NTM: variants seen among roughly 807,000 people sequenced by gnomAD.
NTM encodes IgLON family member 2.
A neutral mutation model predicts 42.1 loss-of-function variants in NTM; 13 were observed. That is an observed-to-expected ratio of 0.31 (90% CI 0.20 to 0.49). The LOEUF (loss-of-function observed/expected upper bound fraction) is 0.49, where lower values mean the gene tolerates loss of function less well. Among genes scored for constraint, NTM ranks in the 20% least tolerant of loss-of-function variants. The pLI, the probability that NTM is intolerant of heterozygous loss-of-function variation, is 0.99. For missense variants in NTM, 373 were observed against 452.8 expected (o/e 0.82, Z 1.60); for synonymous variants, 187 against 179.2 (o/e 1.04, Z -0.35).
At chr11:131,639,013 A>G (rs149593229) in intron 1 of NTM, among the ~76,000 whole-genome samples, 3 of 152,300 alleles carry the variant, frequency 2.0e-5, no homozygotes, top group Non-Finnish European at 4.4e-5. Flanking sequence ...CTACTATTAT[A>G]CTCATTTGAT....
intron 2 of NTM, among the ~76,000 whole-genome samples, chr11:132,063,806 T>C (rs2081043138): frequency 6.6e-6 from 1 of 152,180 alleles, no homozygotes; most frequent in Non-Finnish European, 1.5e-5. Context: ...TGTGAGTCTG[T>C]CTCCACTTCA....
chr11:132,000,539 A>G (rs889790366), intron 2 of NTM, among the ~76,000 whole-genome samples: 10 of 152,228 alleles, frequency 6.6e-5, no homozygotes, highest in African/African-American at 2.4e-4. Context: ...GTGTACAAGT[A>G]CATTTTTCAT....
intron 1 of NTM, among the ~76,000 whole-genome samples, chr11:131,390,335 C>A (rs1943845414): frequency 6.6e-6 from 1 of 152,110 alleles, no homozygotes; most frequent in Non-Finnish European, 1.5e-5. Flanking sequence ...CGAACACCTC[C>A]CACCAGGCCT....
intron 3 of NTM, chr11:132,211,803 C>T (rs1592251177): frequency 5.6e-6 from 2 of 360,084 alleles, no homozygotes; most frequent in East Asian, 1.3e-4. Context: ...GAATTTATTC[C>T]CATTCGGACT....
At chr11:132,150,489 G>T (rs1211405617) in intron 3 of NTM, among the ~76,000 whole-genome samples, 2 of 152,200 alleles carry the variant, frequency 1.3e-5, no homozygotes, top group Non-Finnish European at 2.9e-5. Context: ...AGGTGTTAAA[G>T]CTAGAATGGC....
chr11:131,678,720 C>T (rs937036221), intron 1 of NTM, among the ~76,000 whole-genome samples: 2 of 152,294 alleles, frequency 1.3e-5, no homozygotes, highest in Admixed American at 1.3e-4. Flanking sequence ...GTTTCTTTTC[C>T]ACCTTGGGGA....
At position 131,416,712 on chromosome 11, in the gene NTM, T is replaced by C. The variant is rs537369684; in HGVS notation, c.82+45824T>C. On this transcript the variant is annotated intron_variant, in intron 1 of 8. Coordinates refer to ENST00000683400, the MANE Select transcript of NTM (RefSeq NM_001352005.2). ...TTACCATAAGATTTTCCAAACAAAC[T>C]TGAACTTTTAAAATAACTTGATTTA... Among the ~76,000 whole-genome samples the C allele has an allele frequency of 2.0e-5, 3 of 152,294 alleles. No homozygotes were observed. The South Asian group carries it at 6.2e-4, about 32-fold the overall frequency.
chr11:131,439,674 A>T (rs1949445317), intron 1 of NTM, among the ~76,000 whole-genome samples: 1 of 152,206 alleles, frequency 6.6e-6, no homozygotes, highest in Admixed American at 6.5e-5. Context: ...AAAGTGCAGT[A>T]TTTGGGAGGG....
chr11:131,508,287 C>T (rs1440206255), intron 1 of NTM, among the ~76,000 whole-genome samples: 2 of 145,328 alleles, frequency 1.4e-5, no homozygotes, highest in African/African-American at 2.6e-5. Context: ...TGAAAAAATG[C>T]TCATCATCAC....
At chr11:131,613,784 C>T (rs901448021) in intron 1 of NTM, among the ~76,000 whole-genome samples, 1 of 152,050 alleles carries the variant, frequency 6.6e-6, no homozygotes, top group African/African-American at 2.4e-5. Context: ...GCCACACAGC[C>T]CGTAAGATCT....
intron 8 of NTM, among the ~76,000 whole-genome samples, chr11:132,334,435 C>T (rs991782410): frequency 6.6e-6 from 1 of 152,340 alleles, no homozygotes; most frequent in Admixed American, 6.5e-5. Flanking sequence ...GATCCTTGAG[C>T]TGCATCTGCT....
At chr11:132,200,541 C>G (rs1279913300) in intron 3 of NTM, among the ~76,000 whole-genome samples, 1 of 152,172 alleles carries the variant, frequency 6.6e-6, no homozygotes, top group African/African-American at 2.4e-5. Context: ...CAGCATAATT[C>G]CCTGCTGCAT....
intron 4 of NTM, among the ~76,000 whole-genome samples, chr11:132,270,285 G>T (rs907767280): frequency 6.6e-6 from 1 of 152,192 alleles, no homozygotes; most frequent in Admixed American, 6.5e-5. Flanking sequence ...AGGTTGGAGT[G>T]CAATAGCACG....
At chr11:131,875,781 C>T (rs1011182940) in intron 1 of NTM, among the ~76,000 whole-genome samples, 1 of 152,082 alleles carries the variant, frequency 6.6e-6, no homozygotes, top group African/African-American at 2.4e-5. Context: ...TGGAAGTGGC[C>T]AGCTGGCAGG....
intron 1 of NTM, among the ~76,000 whole-genome samples, chr11:131,866,099 ACACACACATGCTG>A (rs1427054274): frequency 2.0e-5 from 3 of 151,638 alleles, no homozygotes; most frequent in Admixed American, 2.0e-4. Context: ...ACATGCACAC[ACACACACATGCTG>A]CACACACATG....
At chr11:132,164,824 G>C (rs1459938865) in intron 3 of NTM, among the ~76,000 whole-genome samples, 1 of 152,166 alleles carries the variant, frequency 6.6e-6, no homozygotes, top group African/African-American at 2.4e-5. Flanking sequence ...TACATCAGGA[G>C]ACACGATTGT....
At chr11:132,314,791 A>G (rs1371240494) in intron 7 of NTM, 88 bp downstream of exon 7, 1 of 1,454,640 alleles carries the variant, frequency 6.9e-7, no homozygotes, top group East Asian at 2.4e-5. Flanking sequence ...GGCCAGGGTC[A>G]GAGGTTAGCA....
chr11:132,302,529 T>C (rs1319652752), intron 4 of NTM, among the ~76,000 whole-genome samples: 1 of 152,210 alleles, frequency 6.6e-6, no homozygotes, highest in East Asian at 1.9e-4. Context: ...AAGGGGTCTC[T>C]GACTTTTTTT....
chr11:131,775,029 A>G (rs1565531448), intron 1 of NTM, among the ~76,000 whole-genome samples: 2 of 152,214 alleles, frequency 1.3e-5, no homozygotes, highest in Admixed American at 1.3e-4. Context: ...CCAAAGGTGA[A>G]TGCTCGCCCA....
Sources: allele counts gnomAD v4.1 joint callset (sites outside exome capture counted in the v4.1 genomes callset), GRCh38; gene constraint gnomAD v4.1.1; transcripts MANE v1.5; gene names NCBI Gene and HGNC (gene_info 2026-07-23, HGNC 2026-07-21).